RFX5: variants seen among roughly 807,000 people sequenced by gnomAD.
RFX5 encodes DNA-binding protein RFX5.
Under a neutral mutation model 41.2 loss-of-function variants are expected in RFX5, and 30 were observed. The ratio of observed to expected loss-of-function variants is 0.73; its 90% CI spans 0.54 to 0.99. The LOEUF (loss-of-function observed/expected upper bound fraction) is 0.99. RFX5 is among the 50% of genes least tolerant of loss of function. The pLI is 0.00. For synonymous variants in RFX5, 231 were observed against 291.8 expected, an observed-to-expected ratio of 0.79 and a Z score of 2.12; for missense variants, 715 against 773.6, an observed-to-expected ratio of 0.92 and a Z score of 0.90.
Position 151,342,215 on chromosome 1 carries a change from G to A in RFX5, c.1822C>T (p.His608Tyr), listed in dbSNP as rs140120144. Residue 608 changes from histidine (H) to tyrosine (Y), a missense_variant, in exon 11 of 11, where the codon CAT (histidine) becomes TAT (tyrosine). Transcript: ENST00000452671. ...GGGGGTGTTGCTTTTGGGTCTTTAT[G>A]CTCCTGGGATAAGGAACTTTGAAGC... is the stretch of plus-strand genomic sequence containing the variant. ...HVLQSSLSQE[H>Y]KDPKATPP The A allele has an allele frequency of 7.4e-6, 12 of 1,614,036 alleles. No homozygotes were observed. In the African/African-American group the frequency reaches 1.2e-4, roughly 16 times the overall value.
Position 151,341,566 on chromosome 1 carries a change from C to T in RFX5, c.*620G>A. 1 of 192,978 alleles carries T rather than the reference C, an allele frequency of 5.2e-6. No individual in the cohort carries two copies. The highest frequency in any genetic ancestry group is 1.1e-5 in the Non-Finnish European group (1 of 92,540). The allele number at this position is 192,978 out of a possible 1,614,324, so 12.0% of individuals were successfully genotyped here. On this transcript the variant is annotated 3_prime_UTR_variant, in exon 11 of 11. Coordinates refer to ENST00000452671, the MANE Select transcript of RFX5 (RefSeq NM_001025603.2). ...TGATTGGTCAGGGTGGACATGTGAC[C>T]CAGGCCTAATCAGTGTGAATATTAG... is the stretch of plus-strand genomic sequence containing the variant.
chr1:151,343,979 C>A lies in RFX5; in HGVS notation c.556-97G>T. ...CAAAGACTATTGACCAAAGCTGAGA[C>A]CAGACTGGGGATGGGAGTAGCCTCT... On this transcript the variant is annotated intron_variant, in intron 8 of 10. Transcript: ENST00000452671. 6.6e-6 allele frequency: 9 copies of A among 1,365,516 alleles called. No homozygotes were observed. The South Asian group carries it at 1.2e-4, about 18-fold the overall frequency. 84.6% of individuals were successfully genotyped at this position (1,365,516 alleles called of 1,614,324 possible).
In RFX5 at chr1:151,343,334, T is replaced by C. The variant is rs867725099; in HGVS notation, c.858+8A>G. On this transcript the variant is annotated splice_region_variant and intron_variant, in intron 10 of 10. Transcript: ENST00000452671. ...GGACAGCAAAGTCAGGGCCACTGAC[T>C]TCCTTACCTGGGCCAGTCTCTCTGG... 1 of 1,612,716 alleles carries C rather than the reference T, an allele frequency of 6.2e-7. No homozygotes were observed. The highest frequency in any genetic ancestry group is 8.5e-7 in the Non-Finnish European group (1 of 1,179,876).
chr1:151,346,801 C>G (rs1215909772), intron 1 of RFX5, 195 bp from the exon 2 acceptor site: 1 of 162,492 alleles, frequency 6.2e-6, no homozygotes, highest in Non-Finnish European at 1.4e-5. Flanking sequence ...CATATTCTGC[C>G]CTTCTAGGCT....
Position 151,346,401 on chromosome 1 carries a change from G to A in RFX5, c.-13-68C>T, listed in dbSNP as rs891530197. 2.1e-5 allele frequency: 26 copies of A among 1,213,704 alleles called. No homozygotes were observed. In the Admixed American group the frequency reaches 4.1e-4, roughly 19 times the overall value. The allele number at this position is 1,213,704 out of a possible 1,614,324, so 75.2% of individuals were successfully genotyped here. A position where few individuals can be genotyped will look rare whatever the true frequency, so the allele number is the denominator to read the frequency against. On this transcript the variant is annotated intron_variant, in intron 2 of 10. Transcript: ENST00000452671. Reference sequence around the variant, plus strand: ...GCCTTCCCTTCCCCAGAAGGCCCCAGGGCACTCCTCATCTCTTTACCCAGA... The same window carrying A: ...GCCTTCCCTTCCCCAGAAGGCCCCAAGGCACTCCTCATCTCTTTACCCAGA...
rs1650505010 is a variant in RFX5, at chr1:151,342,221, G to A, written c.1816C>T (p.Gln606Ter). The change falls in exon 11 of 11, where the codon CAG (glutamine) becomes TAG (stop). Residue 606 changes from glutamine (Q) to a stop codon, truncating the protein, a stop_gained. Transcript: ENST00000452671. LOFTEE classifies it high-confidence loss of function. ...KEHVLQSSLS[Q>*]EHKDPKATPP is the part of the protein sequence containing the mutation. ...GTTGCTTTTGGGTCTTTATGCTCCT[G>A]GGATAAGGAACTTTGAAGCACATGC... 1 of 1,614,146 alleles carries A rather than the reference G, an allele frequency of 6.2e-7. No homozygotes were observed. Among genetic ancestry groups the A allele is most frequent in the South Asian group, 1.1e-5 (1 of 91,088 alleles).
chr1:151,345,241 A>C (rs1202269950), intron 4 of RFX5, 53 bp from the exon 5 acceptor site: 3 of 1,381,218 alleles, frequency 2.2e-6, no homozygotes, highest in African/African-American at 2.9e-5. Context: ...AGAAGGACCC[A>C]ATATAGGACC....
At chr1:151,344,654 CA>C in intron 6 of RFX5, 73 bp downstream of exon 6, 1 of 1,571,204 alleles carries the variant, frequency 6.4e-7, no homozygotes, top group Non-Finnish European at 8.6e-7. Flanking sequence ...TTTATCAAGG[CA>C]GGAAGCTCTT....
rs1403122155 is a variant in RFX5 at position 151,342,477 on chromosome 1, T to C, written c.1560A>G (p.Pro520=). Residue 520 remains proline (P), a synonymous_variant, in exon 11 of 11, where the codon CCA becomes CCG. Coordinates refer to ENST00000452671, the MANE Select transcript of RFX5 (RefSeq NM_001025603.2). ...NSAGGAERPG[P]MGEAEKGAVL... ...CTGCCCCCTTTTCAGCCTCTCCCAT[T>C]GGCCCTGGCCTCTCTGCCCCTCCAG... is the stretch of plus-strand genomic sequence containing the variant. 2 of 1,614,168 alleles carry C rather than the reference T, an allele frequency of 1.2e-6. No homozygotes were observed. The highest frequency in any genetic ancestry group is 1.7e-6 in the Non-Finnish European group (2 of 1,180,020).
intron 3 of RFX5, 67 bp downstream of exon 3, chr1:151,346,138 A>G: frequency 1.9e-6 from 3 of 1,570,112 alleles, no homozygotes; most frequent in Non-Finnish European, 2.6e-6. Context: ...TCTACAGCCA[A>G]AGTGAAGTGC....
chr1:151,342,495 C>T lies in RFX5; in HGVS notation c.1542G>A (p.Gly514=). 6.2e-7 allele frequency: 1 copy of T among 1,614,134 alleles called. No homozygotes were observed. The highest frequency in any genetic ancestry group is 8.5e-7 in the Non-Finnish European group (1 of 1,179,994). Residue 514 remains glycine (G), a synonymous_variant, in exon 11 of 11, where the codon GGG becomes GGA. Transcript: ENST00000452671. ...CTCCCATTGGCCCTGGCCTCTCTGC[C>T]CCTCCAGCTGAGTTGCCTTCCCCTC... The part of the protein sequence containing the change: ...GSGGEGNSAG[G]AERPGPMGEA...
chr1:151,346,559 C>A lies in RFX5; in HGVS notation c.-84G>T. On this transcript the variant is annotated 5_prime_UTR_variant, in exon 2 of 11. Coordinates refer to ENST00000452671, the MANE Select transcript of RFX5 (RefSeq NM_001025603.2). ...ATATGCCCAAAGAGATCTTTGCCAT[C>A]TCCATTCTATCTGCCCCACCTTTCT... The A allele has an allele frequency of 2.0e-6, 1 of 509,020 alleles. No homozygotes were observed. The highest frequency in any genetic ancestry group is 3.6e-6 in the Non-Finnish European group (1 of 279,800). The allele number at this position is 509,020 out of a possible 1,614,324, so 31.5% of individuals were successfully genotyped here.
At position 151,342,781 on chromosome 1, in the gene RFX5, A is replaced by G; in HGVS notation, c.1256T>C (p.Ile419Thr). The G allele has an allele frequency of 6.2e-7, 1 of 1,614,116 alleles. No individual in the cohort carries two copies. The highest frequency in any genetic ancestry group is 8.5e-7 in the Non-Finnish European group (1 of 1,179,994). Residue 419 changes from isoleucine (I) to threonine (T), a missense_variant, in exon 11 of 11, where the codon ATA becomes ACA. Ile to Thr is a moderately conservative substitution (Grantham distance 89, BLOSUM62 -1). Transcript: ENST00000452671. ...PRGTENREVG[I>T]GGDQGPHDKG... ...GTCATGTGGTCCTTGGTCACCACCTATGCCTACCTCTCTGTTCTCTGTGCC... is the reference window on the plus strand; with the variant it reads ...GTCATGTGGTCCTTGGTCACCACCTGTGCCTACCTCTCTGTTCTCTGTGCC...
At chr1:151,344,651 A>G in intron 6 of RFX5, 77 bp downstream of exon 6, 2 of 1,574,364 alleles carry the variant, frequency 1.3e-6, no homozygotes, top group South Asian at 2.3e-5. Flanking sequence ...GGCTTTATCA[A>G]GGCAGGAAGC....
In RFX5 at chr1:151,341,322, A is replaced by G. The variant is rs1650431428; in HGVS notation, c.*864T>C. 6.6e-6 allele frequency: 1 copy of G among 152,458 alleles called. No homozygotes were observed. The highest frequency in any genetic ancestry group is 2.4e-5 in the African/African-American group (1 of 41,442). 9.4% of individuals were successfully genotyped at this position (152,458 alleles called of 1,614,324 possible). ...TACAGCTTGTATTGAGGGAAATGCA[A>G]GACTGAGGAGAAAAGAAAGCAGGTC... On this transcript the variant is annotated 3_prime_UTR_variant, in exon 11 of 11. Coordinates refer to ENST00000452671, the MANE Select transcript of RFX5 (RefSeq NM_001025603.2).
chr1:151,343,277 A>G lies in RFX5; in HGVS notation c.858+65T>C, dbSNP rs933807557. On this transcript the variant is annotated intron_variant, in intron 10 of 10. Coordinates refer to ENST00000452671, the MANE Select transcript of RFX5 (RefSeq NM_001025603.2). ...AGGAGGTGGAAAAGCAAGGGACCCA[A>G]TTGGAGAAGGATATACTAAGCCCCC... 1.1e-5 allele frequency: 18 copies of G among 1,607,286 alleles called. No individual in the cohort carries two copies. In the African/African-American group the frequency reaches 1.6e-4, roughly 14 times the overall value.
At position 151,344,503 on chromosome 1, in the gene RFX5, T is replaced by A. The variant is rs200465567; in HGVS notation, c.387A>T (p.Pro129=). Residue 129 remains proline (P), a synonymous_variant, in exon 7 of 11, where the codon CCA becomes CCT. Transcript: ENST00000452671. ...KYCESLACCR[P]LSTANFGKII... ...TCTTGCCAAAGTTGGCTGTGCTGAG[T>A]GGGCGGCAACAGGCAAGACTCTCAC... 2 of 1,613,926 alleles carry A rather than the reference T, an allele frequency of 1.2e-6. No individual in the cohort carries two copies. Among genetic ancestry groups the A allele is most frequent in the Non-Finnish European group, 1.7e-6 (2 of 1,180,008 alleles).
chr1:151,346,165 C>G (rs750661288), intron 3 of RFX5, 40 bp downstream of exon 3: 6 of 1,592,046 alleles, frequency 3.8e-6, no homozygotes, highest in Non-Finnish European at 5.2e-6. Context: ...GATCTATACT[C>G]AGGTCTTGGA....
chr1:151,344,781 C>T lies in RFX5; in HGVS notation c.300G>A (p.Leu100=), dbSNP rs753395523. Residue 100 remains leucine (L), a synonymous_variant, in exon 6 of 11, where the codon CTG becomes CTA. Transcript: ENST00000452671. ...GCAGACAGGTGTCAGTGTGCTCTTC[C>T]AGGTGGTTGCGGATCCACCTATAGG... ...MYAYRWIRNH[L]EEHTDTCLPK... is the part of the protein sequence containing the mutation. 3.7e-6 allele frequency: 6 copies of T among 1,613,472 alleles called. No homozygotes were observed. In the Admixed American group the frequency reaches 6.7e-5, roughly 18 times the overall value.
Sources: allele counts gnomAD v4.1 joint callset, GRCh38; gene constraint gnomAD v4.1.1; transcripts MANE v1.5; gene names NCBI Gene and HGNC (gene_info 2026-07-23, HGNC 2026-07-21).